Variants in ADGRG2 observed in about 807,000 individuals in gnomAD.
The protein encoded by ADGRG2 is adhesion G protein-coupled receptor G2, also known as G protein-coupled receptor 64.
A neutral mutation model predicts 74.1 loss-of-function variants in ADGRG2; 26 were observed. The observed-to-expected ratio is 0.35, with a 90% CI of 0.26 to 0.49. The LOEUF is 0.49. Among genes scored for constraint, ADGRG2 ranks in the 20% least tolerant of loss-of-function variants. The probability of loss-of-function intolerance (pLI) is 0.99; values close to 1 mark genes in which losing one functional copy is unlikely to be tolerated. For synonymous variants in ADGRG2, 296 were observed against 295.2 expected (o/e 1.00, Z -0.03); for missense variants, 619 against 763.1 (o/e 0.81, Z 2.22).
intron 3 of ADGRG2, among the ~76,000 whole-genome samples, chrX:19,063,863 G>T (rs2146884462): frequency 8.9e-6 from 1 of 112,000 alleles, no homozygotes; most frequent in African/African-American, 3.2e-5. Context: ...CAATAGGGAG[G>T]GTCCCCAGAA....
At chrX:19,039,058 T>A (rs747243918) in intron 4 of ADGRG2, among the ~76,000 whole-genome samples, 1 of 111,690 alleles carries the variant, frequency 9.0e-6, no homozygotes, top group Non-Finnish European at 1.9e-5. Context: ...ACATATGTTA[T>A]CTCATTCCGT....
rs771270095 is a variant in ADGRG2 at position 18,994,903 on chromosome X, G to T, written c.2862C>A (p.Ser954Arg). 2 of 1,191,132 alleles carry T rather than the reference G, an allele frequency of 1.7e-6. No homozygotes were observed. The highest frequency in any genetic ancestry group is 3.7e-5 in the South Asian group (2 of 54,461). ...ATATTGAGACATACATACCATTCCCGCTTGCGTGTACTGAGCAATCATTAT... is the reference window on the plus strand; with the variant it reads ...ATATTGAGACATACATACCATTCCCTCTTGCGTGTACTGAGCAATCATTAT... ...LVNNDCSVHASGNGNASTERN... is the reference protein window; with the variant it reads ...LVNNDCSVHARGNGNASTERN... Residue 954 changes from serine (S) to arginine (R), a missense_variant, in exon 28 of 29, where the codon AGC becomes AGA. Physicochemically the swap from Ser to Arg is moderately radical, Grantham distance 110. Around this residue, in one of 3 missense-constraint regions of ADGRG2, gnomAD observed 106 missense variants for 104.5 expected, o/e 1.01. Transcript: ENST00000379869.
At position 19,077,780 on chromosome X, in the gene ADGRG2, TA is replaced by T. The variant is rs1437984976; in HGVS notation, c.-2+4921del. ...ATACTTTAAAGCAAAATACTTTACCTAGAAATAAAACCGTTCATTCATAAAA... is the reference window on the plus strand; with the variant it reads ...ATACTTTAAAGCAAAATACTTTACCTGAAATAAAACCGTTCATTCATAAAA... On this transcript the variant is annotated intron_variant, in intron 2 of 28. Transcript: ENST00000379869. Among the ~76,000 whole-genome samples, 4 of 111,958 alleles carry T rather than the reference TA, an allele frequency of 3.6e-5. No individual in the cohort carries two copies. The Admixed American group carries it at 3.8e-4, about 11-fold the overall frequency.
At chrX:18,996,767 G>C (rs905334027) in intron 26 of ADGRG2, among the ~76,000 whole-genome samples, 2 of 111,153 alleles carry the variant, frequency 1.8e-5, no homozygotes, top group African/African-American at 6.6e-5. Flanking sequence ...CACCCACTCA[G>C]GTGCCCAGTC....
At chrX:19,010,122 TG>T (rs1239337714) in intron 17 of ADGRG2, among the ~76,000 whole-genome samples, 1 of 104,804 alleles carries the variant, frequency 9.5e-6, no homozygotes, top group Admixed American at 1.0e-4. Flanking sequence ...TTTTTGTTTT[TG>T]TTTTTTTTTT....
intron 14 of ADGRG2, among the ~76,000 whole-genome samples, chrX:19,020,317 T>A (rs2060562839): frequency 8.9e-6 from 1 of 112,061 alleles, no homozygotes; most frequent in African/African-American, 3.2e-5. Flanking sequence ...AAACATCACA[T>A]TGTACACCAC....
intron 3 of ADGRG2, among the ~76,000 whole-genome samples, chrX:19,043,286 A>G (rs984397893): frequency 9.0e-5 from 10 of 111,321 alleles, no homozygotes; most frequent in African/African-American, 2.9e-4. Context: ...GTATCCCCAC[A>G]GGACTTACAC....
chrX:19,027,247 T>C lies in ADGRG2; in HGVS notation c.442A>G (p.Thr148Ala), dbSNP rs1299004997. ...QNQHITNGTLTGVLSLSELKR... is the reference protein window; with the variant it reads ...QNQHITNGTLAGVLSLSELKR... ...AATTCACTTAGAGACAGGACTCCAG[T>C]TAAGGTGCCATTCGTTATATGTTGA... is the stretch of plus-strand genomic sequence containing the variant. Residue 148 changes from threonine to alanine, a missense_variant, in exon 11 of 29, where the codon ACT becomes GCT. Thr to Ala is a moderately conservative substitution (Grantham distance 58, BLOSUM62 0). This residue lies in a region of ADGRG2 where 292 missense variants were observed against 318.0 expected (regional missense o/e 0.92). Coordinates refer to ENST00000379869, the MANE Select transcript of ADGRG2 (RefSeq NM_001079858.3). The C allele has an allele frequency of 7.8e-6, 9 of 1,146,998 alleles. No homozygotes were observed. The highest frequency in any genetic ancestry group is 1.1e-5 in the Non-Finnish European group (9 of 837,571). 94.5% of individuals were successfully genotyped at this position (1,146,998 alleles called of 1,213,427 possible).
chrX:19,089,290 G>A (rs1207594470), intron 1 of ADGRG2, among the ~76,000 whole-genome samples: 1 of 110,976 alleles, frequency 9.0e-6, no homozygotes, highest in African/African-American at 3.3e-5. Flanking sequence ...TTCCTAGGGT[G>A]GAGGGTGGGA....
chrX:19,041,497 G>C (rs2061063255), intron 3 of ADGRG2, among the ~76,000 whole-genome samples: 1 of 112,052 alleles, frequency 8.9e-6, no homozygotes, highest in Non-Finnish European at 1.9e-5. Context: ...TAATAGGAAA[G>C]AATAAGTATG....
chrX:19,040,375 T>G (rs1471776915), intron 3 of ADGRG2, 151 bp from the exon 4 acceptor site: 1 of 406,957 alleles, frequency 2.5e-6, no homozygotes, highest in Admixed American at 4.5e-5. Flanking sequence ...GCCTCACTAC[T>G]GTAACAATTT....
At chrX:19,008,186 A>G in intron 18 of ADGRG2, 63 bp from the exon 19 acceptor site, 17 of 856,376 alleles carry the variant, frequency 2.0e-5, no homozygotes, top group Non-Finnish European at 2.8e-5. Flanking sequence ...TGGAAAACAC[A>G]TCTATTAAGT....
Position 19,031,166 on chromosome X carries a change from G to A in ADGRG2, c.305-129C>T. 4.0e-6 allele frequency: 2 copies of A among 499,998 alleles called. 1 individual carries two copies. The highest frequency in any genetic ancestry group is 5.8e-5 in the Admixed American group (2 of 34,191). The allele number at this position is 499,998 out of a possible 1,213,427, so 41.2% of individuals were successfully genotyped here. On this transcript the variant is annotated intron_variant, in intron 8 of 28. Coordinates refer to ENST00000379869, the MANE Select transcript of ADGRG2 (RefSeq NM_001079858.3). ...AAATATTATAAGCTGGAATTAATTGGATGGATGAATTCCACAAAGACTAAA... is the reference window on the plus strand; with the variant it reads ...AAATATTATAAGCTGGAATTAATTGAATGGATGAATTCCACAAAGACTAAA...
At chrX:19,079,495 C>G (rs2061807639) in intron 2 of ADGRG2, among the ~76,000 whole-genome samples, 1 of 111,957 alleles carries the variant, frequency 8.9e-6, no homozygotes, top group African/African-American at 3.2e-5. Context: ...AGAACTAAAG[C>G]CAGTATTACC....
chrX:18,992,857 G>A (rs943094609), intron 28 of ADGRG2, among the ~76,000 whole-genome samples: 55 of 112,159 alleles, frequency 4.9e-4, no homozygotes, highest in African/African-American at 1.8e-3. Flanking sequence ...TGTTGATAGA[G>A]CTAGGCAGGT....
intron 2 of ADGRG2, among the ~76,000 whole-genome samples, chrX:19,069,973 G>GT (rs1207311546): frequency 8.9e-6 from 1 of 112,334 alleles, no homozygotes; most frequent in African/African-American, 3.2e-5. Flanking sequence ...AGAATGCGCG[G>GT]TAACACATGC....
At chrX:19,088,648 C>T (rs916681461) in intron 1 of ADGRG2, among the ~76,000 whole-genome samples, 1 of 110,905 alleles carries the variant, frequency 9.0e-6, no homozygotes, top group African/African-American at 3.3e-5. Flanking sequence ...CCACCACACC[C>T]AGCTACTTGA....
chrX:19,005,027 G>A (rs2146535426), intron 22 of ADGRG2, 148 bp from the exon 23 acceptor site: 3 of 432,158 alleles, frequency 6.9e-6, no homozygotes, highest in East Asian at 8.1e-5. Context: ...TAAAGATAAG[G>A]AAACAGAGAC....
intron 12 of ADGRG2, 119 bp downstream of exon 12, chrX:19,023,790 C>T: frequency 5.6e-6 from 3 of 539,048 alleles, no homozygotes; most frequent in Non-Finnish European, 9.6e-6. Flanking sequence ...TCCATTCATT[C>T]TCTTACACAA....
Sources: gnomAD v4.1 joint callset for allele counts (sites outside exome capture counted in the v4.1 genomes callset) on GRCh38, gnomAD v4.1.1 for gene constraint, gnomAD v4.1.1 regional missense constraint, MANE v1.5 for transcripts, NCBI Gene and HGNC (gene_info 2026-07-23, HGNC 2026-07-21) for gene names.